The following ITGBL1 variants were observed in gnomAD, a reference collection of about 807,000 sequenced individuals.
ITGBL1 encodes the protein integrin subunit beta like 1.
ITGBL1 carries 51 observed loss-of-function variants against 68.5 expected under a neutral mutation model. The ratio of observed to expected loss-of-function variants is 0.74; its 90% CI spans 0.59 to 0.94. ITGBL1 has a LOEUF of 0.94. ITGBL1 is among the 40% of genes least tolerant of loss of function. The pLI, the probability that ITGBL1 is intolerant of heterozygous loss-of-function variation, is 0.00. For synonymous variants in ITGBL1, 209 were observed against 227.3 expected (o/e 0.92, Z 0.72); for missense variants, 649 against 647.4 (o/e 1.00, Z -0.03).
At chr13:101,498,483 G>T (rs1359145476) in intron 2 of ITGBL1, among the ~76,000 whole-genome samples, 1 of 152,164 alleles carries the variant, frequency 6.6e-6, no homozygotes, top group East Asian at 1.9e-4. Context: ...CAAGACAGAT[G>T]GTAAGGGGTG....
intron 2 of ITGBL1, among the ~76,000 whole-genome samples, chr13:101,559,512 A>G (rs1314138390): frequency 6.6e-6 from 1 of 152,232 alleles, no homozygotes; most frequent in Non-Finnish European, 1.5e-5. Flanking sequence ...GAATAATCCA[A>G]TTCTAAGCAT....
At chr13:101,587,841 A>T (rs17686036) in intron 6 of ITGBL1, among the ~76,000 whole-genome samples, 43,276 of 151,922 alleles carry the variant, frequency 0.28, 6,409 homozygotes, top group East Asian at 0.45. Flanking sequence ...TATTGAATTT[A>T]AAAAAAATAG....
intron 2 of ITGBL1, among the ~76,000 whole-genome samples, chr13:101,520,915 G>A (rs1424829537): frequency 2.6e-5 from 4 of 152,184 alleles, no homozygotes; most frequent in Non-Finnish European, 4.4e-5. Context: ...TGAGTCACAA[G>A]CAGGATGATA....
chr13:101,568,040 G>T (rs2050209999), intron 3 of ITGBL1, among the ~76,000 whole-genome samples, 195 bp downstream of exon 3: 2 of 148,660 alleles, frequency 1.3e-5, no homozygotes, highest in Admixed American at 6.6e-5. Flanking sequence ...ATGCTTTCCA[G>T]CTGTTCCAAA....
intron 2 of ITGBL1, among the ~76,000 whole-genome samples, chr13:101,516,374 C>G (rs374762587): frequency 6.6e-6 from 1 of 152,194 alleles, no homozygotes; most frequent in South Asian, 2.1e-4. Context: ...TGTATACAAT[C>G]TATTTTGGAA....
intron 2 of ITGBL1, among the ~76,000 whole-genome samples, chr13:101,515,304 A>G (rs942721439): frequency 1.3e-5 from 2 of 152,106 alleles, no homozygotes; most frequent in Non-Finnish European, 2.9e-5. Context: ...AGCTAGCTAT[A>G]TAAATAATCC....
At chr13:101,519,067 C>A (rs548891781) in intron 2 of ITGBL1, among the ~76,000 whole-genome samples, 6 of 152,208 alleles carry the variant, frequency 3.9e-5, no homozygotes, top group African/African-American at 1.4e-4. Context: ...AGATACTAAA[C>A]TTTAAAAATA....
At chr13:101,627,066 C>T (rs980690142) in intron 7 of ITGBL1, among the ~76,000 whole-genome samples, 8 of 152,094 alleles carry the variant, frequency 5.3e-5, no homozygotes, top group South Asian at 4.1e-4. Flanking sequence ...AGATAAAACA[C>T]GAGAATTAAA....
At chr13:101,535,925 T>G (rs946464725) in intron 2 of ITGBL1, among the ~76,000 whole-genome samples, 1 of 152,068 alleles carries the variant, frequency 6.6e-6, no homozygotes, top group Non-Finnish European at 1.5e-5. Context: ...GAAATAGAGT[T>G]TTTAAAGTAT....
intron 2 of ITGBL1, among the ~76,000 whole-genome samples, chr13:101,503,120 A>G (rs1398341600): frequency 1.3e-5 from 2 of 152,210 alleles, no homozygotes; most frequent in African/African-American, 4.8e-5. Context: ...TAAAAGAAAT[A>G]TGGGGTAATC....
intron 2 of ITGBL1, among the ~76,000 whole-genome samples, chr13:101,487,043 G>C (rs1002134934): frequency 6.6e-6 from 1 of 152,048 alleles, no homozygotes; most frequent in African/African-American, 2.4e-5. Flanking sequence ...ATAAACCTTG[G>C]ATTTGTTTTA....
intron 6 of ITGBL1, among the ~76,000 whole-genome samples, chr13:101,595,526 A>T (rs1055281155): frequency 2.0e-5 from 3 of 152,152 alleles, no homozygotes; most frequent in Non-Finnish European, 2.9e-5. Flanking sequence ...CAACCAGATT[A>T]AAAAAATGGG....
At chr13:101,677,860 G>C (rs983673936) in intron 7 of ITGBL1, among the ~76,000 whole-genome samples, 5 of 152,088 alleles carry the variant, frequency 3.3e-5, no homozygotes, top group African/African-American at 2.4e-5. Flanking sequence ...ACAGTTCCCA[G>C]GTTCTGCATA....
chr13:101,573,387 A>G (rs1035301281), intron 3 of ITGBL1, among the ~76,000 whole-genome samples: 1 of 152,200 alleles, frequency 6.6e-6, no homozygotes, highest in Admixed American at 6.6e-5. Context: ...CTGTGAGTGA[A>G]AAATTTATAG....
At chr13:101,598,534 A>G (rs2030137611) in intron 7 of ITGBL1, among the ~76,000 whole-genome samples, 1 of 151,868 alleles carries the variant, frequency 6.6e-6, no homozygotes, top group African/African-American at 2.4e-5. Context: ...TGCTGCATGC[A>G]TTAACTGGTC....
At chr13:101,586,387 C>A (rs1020636592) in intron 6 of ITGBL1, among the ~76,000 whole-genome samples, 1 of 152,172 alleles carries the variant, frequency 6.6e-6, no homozygotes, top group Non-Finnish European at 1.5e-5. Context: ...CAGCTTTCCA[C>A]AGCTTGGCTC....
intron 7 of ITGBL1, among the ~76,000 whole-genome samples, chr13:101,657,709 A>C (rs574341171): frequency 7.2e-5 from 11 of 152,318 alleles, no homozygotes; most frequent in African/African-American, 2.4e-4. Context: ...TCATAAATCT[A>C]TTTGATTTAC....
At chr13:101,468,015 A>T (rs1303433767) in intron 2 of ITGBL1, among the ~76,000 whole-genome samples, 1 of 152,194 alleles carries the variant, frequency 6.6e-6, no homozygotes, top group Non-Finnish European at 1.5e-5. Flanking sequence ...AAAACGTGGT[A>T]AATGCATTTC....
At chr13:101,453,163 T>G (rs1345613331) in intron 1 of ITGBL1, among the ~76,000 whole-genome samples, 1 of 152,246 alleles carries the variant, frequency 6.6e-6, no homozygotes, top group Non-Finnish European at 1.5e-5. Flanking sequence ...TATAATTTTC[T>G]TTTCTGCAAA....
Sources: allele counts gnomAD v4.1 joint callset (sites outside exome capture counted in the v4.1 genomes callset), GRCh38; gene constraint gnomAD v4.1.1; transcripts MANE v1.5; gene names NCBI Gene and HGNC (gene_info 2026-07-23, HGNC 2026-07-21).